PKNOX2: variants seen among roughly 807,000 people sequenced by gnomAD.
The protein encoded by PKNOX2 is PBX/knotted 1 homeobox 2.
Under a neutral mutation model 53.1 loss-of-function variants are expected in PKNOX2, and 14 were observed. The ratio of observed to expected loss-of-function variants is 0.26; its 90% CI spans 0.17 to 0.41. PKNOX2 has a LOEUF of 0.41. Ranked by LOEUF, PKNOX2 falls within the 10% of genes least tolerant of loss-of-function variation. The pLI is 1.00. For missense variants in PKNOX2, 496 were observed against 602.8 expected, an observed-to-expected ratio of 0.82 and a Z score of 1.85; for synonymous variants, 257 against 242.8, an observed-to-expected ratio of 1.06 and a Z score of -0.54.
At chr11:125,382,032 C>T (rs1179632505) in intron 5 of PKNOX2, among the ~76,000 whole-genome samples, 1 of 152,190 alleles carries the variant, frequency 6.6e-6, no homozygotes, top group Admixed American at 6.5e-5. Flanking sequence ...GGGACACAGT[C>T]GTGGCAGATG....
At chr11:125,393,696 G>A (rs1192498328) in intron 6 of PKNOX2, among the ~76,000 whole-genome samples, 1 of 152,096 alleles carries the variant, frequency 6.6e-6, no homozygotes, top group Non-Finnish European at 1.5e-5. Flanking sequence ...GGACCCCGGG[G>A]GGCTGTGCCA....
At chr11:125,223,176 C>T (rs1941386506) in intron 1 of PKNOX2, among the ~76,000 whole-genome samples, 1 of 152,018 alleles carries the variant, frequency 6.6e-6, no homozygotes, top group Non-Finnish European at 1.5e-5. Context: ...CTCTCCTAGG[C>T]CAACCCTCCA....
chr11:125,305,200 A>G (rs1323102601), intron 2 of PKNOX2, among the ~76,000 whole-genome samples: 1 of 152,174 alleles, frequency 6.6e-6, no homozygotes, highest in Non-Finnish European at 1.5e-5. Context: ...AAGAGCTCTT[A>G]AGAGATTGCC....
chr11:125,182,995 G>C (rs1344798124), intron 1 of PKNOX2, among the ~76,000 whole-genome samples: 1 of 152,184 alleles, frequency 6.6e-6, no homozygotes, highest in African/African-American at 2.4e-5. Flanking sequence ...AGGGACCGTG[G>C]AGAGCCTCTG....
At chr11:125,396,998 G>T (rs1193032900) in intron 6 of PKNOX2, among the ~76,000 whole-genome samples, 2 of 152,274 alleles carry the variant, frequency 1.3e-5, no homozygotes, top group Non-Finnish European at 2.9e-5. Flanking sequence ...CATTCTTTAA[G>T]GCGATTGGAT....
At chr11:125,318,557 G>A (rs1382046720) in intron 2 of PKNOX2, among the ~76,000 whole-genome samples, 3 of 152,076 alleles carry the variant, frequency 2.0e-5, no homozygotes, top group East Asian at 3.9e-4. Context: ...CCATTCAAAC[G>A]TTTACCACGT....
chr11:125,271,313 A>G (rs1945773534), intron 2 of PKNOX2, among the ~76,000 whole-genome samples: 1 of 152,218 alleles, frequency 6.6e-6, no homozygotes, highest in African/African-American at 2.4e-5. Flanking sequence ...CATCTTAGTA[A>G]TACCAGATTT....
chr11:125,408,576 C>T (rs1955263765), intron 7 of PKNOX2, among the ~76,000 whole-genome samples: 2 of 152,200 alleles, frequency 1.3e-5, no homozygotes, highest in African/African-American at 4.8e-5. Flanking sequence ...TCCTCCAGCT[C>T]TTGGGCCAGA....
intron 2 of PKNOX2, among the ~76,000 whole-genome samples, chr11:125,252,302 C>T (rs1203088667): frequency 1.3e-5 from 2 of 152,100 alleles, no homozygotes; most frequent in Non-Finnish European, 2.9e-5. Flanking sequence ...GTGGGGAAAG[C>T]TGGGGCTGGA....
In PKNOX2 at chr11:125,290,145, A is replaced by C. The variant is rs539073203; in HGVS notation, c.-129-41674A>C. ...GAATGAGGTCTCTGATGTGAGCTGG[A>C]CTGGGTTCTGGGAGCTCCAAAATCC... On this transcript the variant is annotated intron_variant, in intron 2 of 12. Coordinates refer to ENST00000298282, the MANE Select transcript of PKNOX2 (RefSeq NM_001382323.2). Among the ~76,000 whole-genome samples the C allele has an allele frequency of 8.2e-4, 125 of 152,168 alleles. 2 individuals are homozygous for C. The highest frequency in any genetic ancestry group is 1.2e-3 in the African/African-American group (49 of 41,556).
intron 5 of PKNOX2, among the ~76,000 whole-genome samples, chr11:125,369,543 G>A (rs142053478): frequency 1.2e-4 from 18 of 152,268 alleles, no homozygotes; most frequent in African/African-American, 4.3e-4. Context: ...CATCTCTCCA[G>A]GCACCGATAG....
At chr11:125,337,362 TA>T (rs1410820567) in intron 3 of PKNOX2, among the ~76,000 whole-genome samples, 1 of 152,244 alleles carries the variant, frequency 6.6e-6, no homozygotes, top group Non-Finnish European at 1.5e-5. Context: ...AACCTCTAGT[TA>T]TTTTTTATAT....
intron 2 of PKNOX2, among the ~76,000 whole-genome samples, chr11:125,294,354 G>A (rs1452638821): frequency 6.6e-6 from 1 of 152,176 alleles, no homozygotes; most frequent in Admixed American, 6.5e-5. Flanking sequence ...AGCTAGAGAA[G>A]ACATTCTATA....
intron 3 of PKNOX2, among the ~76,000 whole-genome samples, chr11:125,341,378 G>A (rs1362471154): frequency 6.6e-6 from 1 of 150,962 alleles, no homozygotes; most frequent in African/African-American, 2.4e-5. Flanking sequence ...AAAAAGGAAA[G>A]AAAAAAAGGA....
intron 2 of PKNOX2, among the ~76,000 whole-genome samples, chr11:125,292,465 G>A (rs898434317): frequency 6.6e-6 from 1 of 152,164 alleles, no homozygotes; most frequent in Non-Finnish European, 1.5e-5. Context: ...GAGTGAGGGG[G>A]CTGACCCTAT....
intron 1 of PKNOX2, among the ~76,000 whole-genome samples, chr11:125,234,514 G>A (rs1046944450): frequency 5.9e-5 from 9 of 151,936 alleles, no homozygotes; most frequent in Admixed American, 1.3e-4. Flanking sequence ...TGGACTCTTC[G>A]CCTTCACTTG....
Position 125,431,167 on chromosome 11 carries a change from T to G in PKNOX2, c.1194T>G (p.Gly398=), listed in dbSNP as rs1479135187. The change falls in exon 13 of 13, where the codon GGT becomes GGG. Residue 398 remains glycine (G), a splice_region_variant and synonymous_variant. Transcript: ENST00000298282. ...QGGAPGTNPD[G]SINLDNLQSL... is the part of the protein sequence containing the mutation. ...CCTGACCCTTGCTTTCTCTCGCAGGTTCCATCAACTTGGACAACCTGCAGT... is the reference window on the plus strand; with the variant it reads ...CCTGACCCTTGCTTTCTCTCGCAGGGTCCATCAACTTGGACAACCTGCAGT... 1.9e-6 allele frequency: 3 copies of G among 1,613,210 alleles called. No individual in the cohort carries two copies. The Admixed American group carries it at 5.0e-5, about 27-fold the overall frequency.
intron 1 of PKNOX2, among the ~76,000 whole-genome samples, chr11:125,182,757 GTC>G (rs1036873619): frequency 5.9e-5 from 9 of 152,172 alleles, no homozygotes; most frequent in African/African-American, 2.2e-4. Context: ...TCATAGCACT[GTC>G]CTGGCCTGCC....
intron 5 of PKNOX2, among the ~76,000 whole-genome samples, chr11:125,372,696 C>T (rs534767279): frequency 9.8e-5 from 15 of 152,318 alleles, no homozygotes; most frequent in African/African-American, 3.4e-4. Context: ...GGTCTATCAG[C>T]GAATGATCTC....
Sources: gnomAD v4.1 joint callset for allele counts (sites outside exome capture counted in the v4.1 genomes callset) on GRCh38, gnomAD v4.1.1 for gene constraint, MANE v1.5 for transcripts, NCBI Gene and HGNC (gene_info 2026-07-23, HGNC 2026-07-21) for gene names.